The following PDGFD variants were observed in gnomAD, a reference collection of about 807,000 sequenced individuals.
The protein encoded by PDGFD is platelet derived growth factor D.
PDGFD carries 30 observed loss-of-function variants against 44.7 expected under a neutral mutation model. That is an observed-to-expected ratio of 0.67 (90% CI 0.50 to 0.91). PDGFD has a LOEUF of 0.91. Ranked by LOEUF, PDGFD falls within the 40% of genes least tolerant of loss-of-function variation. The probability of loss-of-function intolerance (pLI) is 0.00; values close to 1 mark genes in which losing one functional copy is unlikely to be tolerated. For missense variants in PDGFD, 445 were observed against 457.8 expected (o/e 0.97, Z 0.25); for synonymous variants, 173 against 168.4 (o/e 1.03, Z -0.21).
chr11:104,114,854 C>T (rs1334271483), intron 1 of PDGFD, among the ~76,000 whole-genome samples: 2 of 150,978 alleles, frequency 1.3e-5, no homozygotes, highest in African/African-American at 4.9e-5. Flanking sequence ...TTGGGAAGTG[C>T]TAATTTAAAT....
chr11:104,116,815 T>A (rs534354092), intron 1 of PDGFD, among the ~76,000 whole-genome samples: 2 of 152,006 alleles, frequency 1.3e-5, no homozygotes, highest in East Asian at 3.9e-4. Context: ...AGTGAATAAG[T>A]CTCACAAGAT....
At chr11:103,914,638 C>A (rs1231976770) in intron 6 of PDGFD, among the ~76,000 whole-genome samples, 1 of 152,092 alleles carries the variant, frequency 6.6e-6, no homozygotes, top group Non-Finnish European at 1.5e-5. Context: ...AGCAGTGACA[C>A]AACAAAAAGA....
At chr11:104,158,111 G>T (rs571503549) in intron 1 of PDGFD, among the ~76,000 whole-genome samples, 1 of 152,264 alleles carries the variant, frequency 6.6e-6, no homozygotes, top group East Asian at 1.9e-4. Context: ...TGCTCTTTGT[G>T]TATTCCTATC....
In PDGFD at chr11:104,037,776, C is replaced by A. The variant is rs557940862; in HGVS notation, c.125-37521G>T. ...AAGGTGATTTCTTACAGTGCTCTTT[C>A]TCCATACTTGAGGATCAACCCATGG... On this transcript the variant is annotated intron_variant, in intron 1 of 6. Transcript: ENST00000393158. The A allele has an allele frequency of 9.3e-6, 15 of 1,614,162 alleles. No individual in the cohort carries two copies. In the African/African-American group the frequency reaches 1.6e-4, roughly 17 times the overall value.
intron 1 of PDGFD, among the ~76,000 whole-genome samples, chr11:104,111,806 A>G (rs1011612075): frequency 6.6e-5 from 10 of 152,168 alleles, no homozygotes; most frequent in African/African-American, 2.4e-4. Context: ...ATTAAGTGGG[A>G]ATTATAAAAT....
At chr11:104,111,295 G>C (rs1861553585) in intron 1 of PDGFD, among the ~76,000 whole-genome samples, 1 of 137,004 alleles carries the variant, frequency 7.3e-6, no homozygotes, top group Non-Finnish European at 1.5e-5. Flanking sequence ...ATTTCACTCT[G>C]GTCACCCAGG....
chr11:104,055,416 A>T (rs530231942), intron 1 of PDGFD, among the ~76,000 whole-genome samples: 2 of 152,318 alleles, frequency 1.3e-5, no homozygotes, highest in East Asian at 3.9e-4. Flanking sequence ...TGGCTCCAGG[A>T]TCTGAAAATA....
intron 6 of PDGFD, among the ~76,000 whole-genome samples, chr11:103,919,235 T>C (rs1858171274): frequency 6.6e-6 from 1 of 152,198 alleles, no homozygotes; most frequent in Non-Finnish European, 1.5e-5. Context: ...AATTACCTCA[T>C]CACAAAAGAT....
chr11:104,028,191 GAA>G (rs36060540), intron 1 of PDGFD, among the ~76,000 whole-genome samples: 17,896 of 116,222 alleles, frequency 0.15, 1,168 homozygotes, highest in South Asian at 0.24. Context: ...CTCCGTCAAA[GAA>G]AAAAAAAAAA....
At chr11:104,134,437 G>C (rs1261304133) in intron 1 of PDGFD, among the ~76,000 whole-genome samples, 1 of 151,990 alleles carries the variant, frequency 6.6e-6, no homozygotes, top group Non-Finnish European at 1.5e-5. Context: ...TCCAAACTGG[G>C]AGAATAAACC....
intron 1 of PDGFD, among the ~76,000 whole-genome samples, chr11:104,149,787 G>A (rs745510980): frequency 3.3e-5 from 5 of 152,134 alleles, no homozygotes; most frequent in East Asian, 1.9e-4. Context: ...GGACCCAGCC[G>A]GAGTATCCAG....
intron 6 of PDGFD, among the ~76,000 whole-genome samples, chr11:103,926,673 G>T (rs757441425): frequency 6.6e-6 from 1 of 152,168 alleles, no homozygotes; most frequent in African/African-American, 2.4e-5. Flanking sequence ...CAATGTTGAT[G>T]TTGATCCACA....
intron 1 of PDGFD, chr11:104,037,557 C>A (rs1013354964): frequency 5.0e-6 from 8 of 1,614,010 alleles, no homozygotes; most frequent in Non-Finnish European, 6.8e-6. Flanking sequence ...CGATGCTCTA[C>A]ATTAACTGCA....
chr11:104,104,052 C>T (rs2134447739), intron 1 of PDGFD, among the ~76,000 whole-genome samples: 1 of 151,964 alleles, frequency 6.6e-6, no homozygotes, highest in South Asian at 2.1e-4. Context: ...ATGATCCTGA[C>T]CCTGTGCAGG....
chr11:103,947,698 T>G lies in PDGFD; in HGVS notation c.537A>C (p.Ser179=). 6.2e-7 allele frequency: 1 copy of G among 1,613,664 alleles called. No homozygotes were observed. Among genetic ancestry groups the G allele is most frequent in the Non-Finnish European group, 8.5e-7 (1 of 1,179,660 alleles). Residue 179 remains serine, a synonymous_variant, in exon 4 of 7, where the codon TCA becomes TCC. Transcript: ENST00000393158. ...LLEDFQPAAA[S]ETNWESVTSS... ...TTGTGACAGATTCCCAGTTGGTCTC[T>G]GAAGCTGCTGCGGGTTGGAAATCTT...
At chr11:103,959,364 G>T (rs1233218439) in intron 3 of PDGFD, among the ~76,000 whole-genome samples, 2 of 152,122 alleles carry the variant, frequency 1.3e-5, no homozygotes, top group African/African-American at 2.4e-5. Flanking sequence ...CCTTTTTCTT[G>T]ACCTGACTTC....
At chr11:104,062,369 T>A (rs1860729609) in intron 1 of PDGFD, among the ~76,000 whole-genome samples, 1 of 152,226 alleles carries the variant, frequency 6.6e-6, no homozygotes, top group South Asian at 2.1e-4. Flanking sequence ...TGTCGTAAGA[T>A]CTGGCTCTTC....
At chr11:104,012,906 G>A (rs1178850008) in intron 1 of PDGFD, among the ~76,000 whole-genome samples, 3 of 152,228 alleles carry the variant, frequency 2.0e-5, no homozygotes, top group African/African-American at 7.2e-5. Context: ...CTGGGTAGAA[G>A]AGCACGTTTC....
intron 1 of PDGFD, among the ~76,000 whole-genome samples, chr11:104,066,865 G>C (rs1333799583): frequency 6.6e-6 from 1 of 152,028 alleles, no homozygotes; most frequent in Non-Finnish European, 1.5e-5. Flanking sequence ...TTAACCAAAA[G>C]TACTTATACA....
Sources: allele counts gnomAD v4.1 joint callset (sites outside exome capture counted in the v4.1 genomes callset), GRCh38; gene constraint gnomAD v4.1.1; transcripts MANE v1.5; gene names NCBI Gene and HGNC (gene_info 2026-07-23, HGNC 2026-07-21).